ADCY1: variants seen among roughly 807,000 people sequenced by gnomAD.
The protein encoded by ADCY1 is adenylate cyclase type 1.
A neutral mutation model predicts 105.4 loss-of-function variants in ADCY1; 28 were observed. That is an observed-to-expected ratio of 0.27 (90% confidence interval 0.20 to 0.36). The LOEUF is 0.36. Among genes scored for constraint, ADCY1 ranks in the 10% least tolerant of loss-of-function variants. The pLI, the probability that ADCY1 is intolerant of heterozygous loss-of-function variation, is 1.00. For synonymous variants in ADCY1, 655 were observed against 623.8 expected (o/e 1.05, Z -0.75); for missense variants, 977 against 1,434.2 (o/e 0.68, Z 5.15).
At chr7:45,676,585 A>T (rs1784459227) in intron 8 of ADCY1, among the ~76,000 whole-genome samples, 1 of 152,168 alleles carries the variant, frequency 6.6e-6, no homozygotes, top group Admixed American at 6.5e-5. Flanking sequence ...GGCATTTGGC[A>T]CCAAGGTGAT....
chr7:45,594,485 C>G (rs1285928104), intron 2 of ADCY1, among the ~76,000 whole-genome samples: 4 of 152,206 alleles, frequency 2.6e-5, no homozygotes, highest in Admixed American at 2.6e-4. Context: ...TTTGTGGGCC[C>G]TGCTTGTGTG....
intron 4 of ADCY1, among the ~76,000 whole-genome samples, chr7:45,623,575 C>T (rs1171637738): frequency 6.6e-6 from 1 of 152,242 alleles, no homozygotes; most frequent in Non-Finnish European, 1.5e-5. Context: ...TATTGCATGG[C>T]ATCGATATCC....
chr7:45,661,478 G>T (rs778500927), intron 7 of ADCY1, among the ~76,000 whole-genome samples: 1 of 152,044 alleles, frequency 6.6e-6, no homozygotes, highest in Non-Finnish European at 1.5e-5. Context: ...CAGCAGGAAC[G>T]ATGACAGTGG....
At chr7:45,631,395 C>G (rs10951827) in intron 4 of ADCY1, among the ~76,000 whole-genome samples, 2 of 152,020 alleles carry the variant, frequency 1.3e-5, no homozygotes, top group Admixed American at 1.3e-4. Flanking sequence ...TCATTCTGCT[C>G]TGTGCAGGAA....
rs201895276 is a variant in ADCY1, at chr7:45,610,510, C to T, written c.908+13C>T. 14 of 1,608,162 alleles carry T rather than the reference C, an allele frequency of 8.7e-6. No individual in the cohort carries two copies. In the African/African-American group the frequency reaches 1.7e-4, roughly 20 times the overall value. ...ACGACAATGTGAGGTAGGGCTGGTG[C>T]TGACCCGGCACAGCGGGGAGCCTGG... On this transcript the variant is annotated intron_variant, in intron 3 of 19. Coordinates refer to ENST00000297323, the MANE Select transcript of ADCY1 (RefSeq NM_021116.4).
chr7:45,706,835 A>T (rs1785131492), intron 17 of ADCY1, among the ~76,000 whole-genome samples: 1 of 152,200 alleles, frequency 6.6e-6, no homozygotes, highest in South Asian at 2.1e-4. Flanking sequence ...TCTATAGTAC[A>T]CAAAGAGCCA....
At chr7:45,608,046 C>T (rs559566425) in intron 2 of ADCY1, among the ~76,000 whole-genome samples, 1 of 152,334 alleles carries the variant, frequency 6.6e-6, no homozygotes, top group Admixed American at 6.5e-5. Flanking sequence ...AACTAATTTA[C>T]GTTTCCCACC....
chr7:45,595,376 C>A (rs1051072639), intron 2 of ADCY1, among the ~76,000 whole-genome samples: 4 of 152,072 alleles, frequency 2.6e-5, no homozygotes, highest in African/African-American at 9.7e-5. Flanking sequence ...TTCTCCCGTT[C>A]TCCCTCTCCT....
intron 8 of ADCY1, among the ~76,000 whole-genome samples, chr7:45,668,638 G>T (rs1004025686): frequency 1.2e-4 from 18 of 152,296 alleles, no homozygotes; most frequent in African/African-American, 3.8e-4. Context: ...GATGATGCTG[G>T]CCTCATAAAA....
chr7:45,688,670 G>T (rs186250998), intron 14 of ADCY1, among the ~76,000 whole-genome samples: 1 of 152,100 alleles, frequency 6.6e-6, no homozygotes, highest in Admixed American at 6.5e-5. Flanking sequence ...GTCTATATGT[G>T]TATCTATATA....
intron 6 of ADCY1, among the ~76,000 whole-genome samples, chr7:45,659,781 C>G (rs1173186787): frequency 6.6e-6 from 1 of 152,206 alleles, no homozygotes; most frequent in African/African-American, 2.4e-5. Context: ...CTTGGTTCCT[C>G]TGCTCTCCCT....
chr7:45,636,639 C>A (rs1794404832), intron 4 of ADCY1, among the ~76,000 whole-genome samples: 1 of 152,188 alleles, frequency 6.6e-6, no homozygotes, highest in Non-Finnish European at 1.5e-5. Context: ...CTCCCGGGTT[C>A]AAGAGATTCT....
Position 45,719,316 on chromosome 7 carries a change from G to C in ADCY1, c.*5321G>C, listed in dbSNP as rs369176600. 2 of 152,420 alleles carry C rather than the reference G, an allele frequency of 1.3e-5. No homozygotes were observed. Among genetic ancestry groups the C allele is most frequent in the East Asian group, 3.9e-4 (2 of 5,180 alleles). 9.4% of individuals were successfully genotyped at this position (152,420 alleles called of 1,614,324 possible). ...TAGAGGAGCCCTGGGACACGCACTG[G>C]AAAGTATTCTAGGGGCTTCCTGCCT... is the stretch of plus-strand genomic sequence containing the variant. On this transcript the variant is annotated 3_prime_UTR_variant, in exon 20 of 20. Transcript: ENST00000297323.
At position 45,686,006 on chromosome 7, in the gene ADCY1, C is replaced by T; in HGVS notation, c.2118C>T (p.Ser706=). 1 of 1,614,074 alleles carries T rather than the reference C, an allele frequency of 6.2e-7. No homozygotes were observed. Among genetic ancestry groups the T allele is most frequent in the Non-Finnish European group, 8.5e-7 (1 of 1,180,004 alleles). The change falls in exon 13 of 20, where the codon TCC becomes TCT. Residue 706 remains serine (S), a synonymous_variant. Coordinates refer to ENST00000297323, the MANE Select transcript of ADCY1 (RefSeq NM_021116.4). This position sits in a 1 kb window ranked among gnomAD's most constrained non-coding sequence, Gnocchi z 4.3. ...PWAWSSKPNS[S]LVVLSSGGQR... ...CCTGGAGCTCCAAGCCCAACAGTTCCCTGGTGGTCCTTTCGTCTGGGGGCC... is the reference window on the plus strand; with the variant it reads ...CCTGGAGCTCCAAGCCCAACAGTTCTCTGGTGGTCCTTTCGTCTGGGGGCC...
intron 8 of ADCY1, among the ~76,000 whole-genome samples, chr7:45,665,271 C>T (rs1334522084): frequency 6.6e-6 from 1 of 152,162 alleles, no homozygotes; most frequent in South Asian, 2.1e-4. Context: ...CATGAAAATA[C>T]GTTTACTTCT....
intron 2 of ADCY1, among the ~76,000 whole-genome samples, chr7:45,601,191 T>C (rs956349328): frequency 6.6e-6 from 1 of 152,126 alleles, no homozygotes; most frequent in Non-Finnish European, 1.5e-5. Flanking sequence ...GTGCAGCTGG[T>C]GGAGAAGCAG....
At chr7:45,679,294 G>A (rs980954686) in intron 10 of ADCY1, among the ~76,000 whole-genome samples, 1 of 152,216 alleles carries the variant, frequency 6.6e-6, no homozygotes, top group South Asian at 2.1e-4. Context: ...TGCCTCATGG[G>A]CCTATTTGGG....
In ADCY1 at chr7:45,622,755, G is replaced by A. The variant is rs200105209; in HGVS notation, c.1020+12G>A. The A allele has an allele frequency of 6.3e-5, 100 of 1,599,312 alleles. 2 individuals carry two copies. The highest frequency in any genetic ancestry group is 1.6e-4 in the South Asian group (14 of 89,458). ...ATGAATTAGCCACGGTAAGTGCAGC[G>A]TTTTTCTTTGTTCGAATTAAATTAG... is the stretch of plus-strand genomic sequence containing the variant. On this transcript the variant is annotated intron_variant, in intron 4 of 19. Coordinates refer to ENST00000297323, the MANE Select transcript of ADCY1 (RefSeq NM_021116.4).
At chr7:45,690,491 C>T (rs1784765233) in intron 14 of ADCY1, among the ~76,000 whole-genome samples, 1 of 152,216 alleles carries the variant, frequency 6.6e-6, no homozygotes, top group South Asian at 2.1e-4. Flanking sequence ...TGGGAATGCT[C>T]TCCTCCCTCG....
Sources: gnomAD v4.1 joint callset for allele counts (sites outside exome capture counted in the v4.1 genomes callset) on GRCh38, gnomAD v4.1.1 for gene constraint, Gnocchi (gnomAD v3.1) non-coding constraint, MANE v1.5 for transcripts, NCBI Gene and HGNC (gene_info 2026-07-23, HGNC 2026-07-21) for gene names.